Variants in ITFG1 observed in about 807,000 individuals in gnomAD.
ITFG1 encodes the protein integrin alpha FG-GAP repeat containing 1.
ITFG1 carries 34 observed loss-of-function variants against 81.8 expected under a neutral mutation model. That is an observed-to-expected ratio of 0.42 (90% CI 0.32 to 0.55). The LOEUF (loss-of-function observed/expected upper bound fraction) is 0.55, where lower values mean the gene tolerates loss of function less well. Among genes scored for constraint, ITFG1 ranks in the 20% least tolerant of loss-of-function variants. ITFG1 has a pLI of 0.17. For missense variants in ITFG1, 672 were observed against 755.4 expected, an observed-to-expected ratio of 0.89 and a Z score of 1.29; for synonymous variants, 285 against 270.6, an observed-to-expected ratio of 1.05 and a Z score of -0.52.
intron 14 of ITFG1, among the ~76,000 whole-genome samples, chr16:47,195,084 C>A (rs1339514640): frequency 2.0e-5 from 3 of 152,132 alleles, no homozygotes; most frequent in Non-Finnish European, 2.9e-5. Context: ...TTGCTTTCAT[C>A]TTTTTTTCAC....
intron 6 of ITFG1, among the ~76,000 whole-genome samples, chr16:47,381,382 T>C (rs1320724065): frequency 6.6e-6 from 1 of 152,198 alleles, no homozygotes; most frequent in East Asian, 1.9e-4. Flanking sequence ...AGAAAACTAT[T>C]CATAATATTA....
intron 5 of ITFG1, among the ~76,000 whole-genome samples, chr16:47,434,392 T>C (rs577630645): frequency 6.8e-6 from 1 of 147,434 alleles, no homozygotes; most frequent in Non-Finnish European, 1.5e-5. Context: ...GGGCAAAGAA[T>C]GTGAACAGAT....
chr16:47,259,236 C>A (rs1439118598), intron 11 of ITFG1, among the ~76,000 whole-genome samples: 5 of 152,180 alleles, frequency 3.3e-5, no homozygotes, highest in African/African-American at 1.2e-4. Flanking sequence ...AATATGTCAG[C>A]AACTTGGCTT....
At chr16:47,275,500 G>GTTA (rs1966388324) in intron 10 of ITFG1, among the ~76,000 whole-genome samples, 1 of 152,128 alleles carries the variant, frequency 6.6e-6, no homozygotes, top group African/African-American at 2.4e-5. Flanking sequence ...ACATGCTGGA[G>GTTA]TTAATCCACA....
chr16:47,291,228 G>A (rs548498205), intron 10 of ITFG1, among the ~76,000 whole-genome samples: 2 of 152,134 alleles, frequency 1.3e-5, no homozygotes, highest in South Asian at 4.2e-4. Context: ...TCAGCACTTT[G>A]AATACATCAT....
chr16:47,265,282 G>A (rs1442048579), intron 10 of ITFG1, among the ~76,000 whole-genome samples: 2 of 151,558 alleles, frequency 1.3e-5, no homozygotes, highest in Non-Finnish European at 2.9e-5. Flanking sequence ...TATAAGAAAT[G>A]TTAAAGGAAG....
chr16:47,178,360 A>C (rs1965055730), intron 14 of ITFG1, among the ~76,000 whole-genome samples: 1 of 152,178 alleles, frequency 6.6e-6, no homozygotes, highest in South Asian at 2.1e-4. Flanking sequence ...TCACTGTATA[A>C]ATGCTCCTGG....
chr16:47,365,925 T>C, intron 7 of ITFG1, 56 bp from the exon 8 acceptor site: 1 of 938,574 alleles, frequency 1.1e-6, no homozygotes, highest in Non-Finnish European at 1.7e-6. Context: ...ATTTGTTAAG[T>C]GTAAAACAAA....
At chr16:47,228,441 C>T (rs529887144) in intron 13 of ITFG1, among the ~76,000 whole-genome samples, 81 of 152,250 alleles carry the variant, frequency 5.3e-4, no homozygotes, top group South Asian at 1.0e-3. Context: ...CTCACTACGG[C>T]CTTGACTTGT....
chr16:47,350,068 T>A (rs1241384732), intron 8 of ITFG1, among the ~76,000 whole-genome samples: 1 of 152,126 alleles, frequency 6.6e-6, no homozygotes. Context: ...CAAAGCAGTG[T>A]GTAGAGGGAA....
chr16:47,329,026 A>G (rs1967602193), intron 8 of ITFG1, among the ~76,000 whole-genome samples: 1 of 152,188 alleles, frequency 6.6e-6, no homozygotes, highest in South Asian at 2.1e-4. Flanking sequence ...TTTAAATATA[A>G]AAATCCACGC....
chr16:47,400,868 G>A (rs1968653182), intron 6 of ITFG1, among the ~76,000 whole-genome samples: 1 of 152,132 alleles, frequency 6.6e-6, no homozygotes, highest in Non-Finnish European at 1.5e-5. Context: ...AAAAGGCCTT[G>A]TGCACCATGA....
chr16:47,172,220 C>T (rs1964971290), intron 14 of ITFG1, among the ~76,000 whole-genome samples: 1 of 152,166 alleles, frequency 6.6e-6, no homozygotes. Context: ...TGTGGTGGCT[C>T]ACACCTGTAA....
At chr16:47,337,648 C>G (rs932370440) in intron 8 of ITFG1, among the ~76,000 whole-genome samples, 1 of 152,218 alleles carries the variant, frequency 6.6e-6, no homozygotes, top group Admixed American at 6.5e-5. Flanking sequence ...TGTGAACAAA[C>G]TGAAATGTCT....
chr16:47,265,151 T>C (rs1204711695), intron 10 of ITFG1, among the ~76,000 whole-genome samples: 1 of 148,296 alleles, frequency 6.7e-6, no homozygotes, highest in Non-Finnish European at 1.5e-5. Context: ...TATTACCTGA[T>C]ATGTTGTAAA....
chr16:47,191,676 T>A (rs922344391), intron 14 of ITFG1, among the ~76,000 whole-genome samples: 1 of 152,068 alleles, frequency 6.6e-6, no homozygotes, highest in Non-Finnish European at 1.5e-5. Context: ...ACCCAGCTAA[T>A]TTTTTTGTGT....
At chr16:47,189,357 T>C (rs1362017833) in intron 14 of ITFG1, among the ~76,000 whole-genome samples, 1 of 152,152 alleles carries the variant, frequency 6.6e-6, no homozygotes, top group Non-Finnish European at 1.5e-5. Flanking sequence ...CAAGAGCACT[T>C]AGTTCCCATT....
chr16:47,348,355 G>C (rs1238143958), intron 8 of ITFG1, among the ~76,000 whole-genome samples: 1 of 152,182 alleles, frequency 6.6e-6, no homozygotes, highest in African/African-American at 2.4e-5. Context: ...CCAATGCAGA[G>C]AAGTCCTTAA....
chr16:47,344,184 C>T (rs991544071), intron 8 of ITFG1, among the ~76,000 whole-genome samples: 1 of 152,140 alleles, frequency 6.6e-6, no homozygotes, highest in African/African-American at 2.4e-5. Context: ...TCTGAAAATA[C>T]ATAGTGGTTA....
Sources: gnomAD v4.1 joint callset for allele counts (sites outside exome capture counted in the v4.1 genomes callset) on GRCh38, gnomAD v4.1.1 for gene constraint, MANE v1.5 for transcripts, NCBI Gene and HGNC (gene_info 2026-07-23, HGNC 2026-07-21) for gene names.